DMTF1: variants seen among roughly 807,000 people sequenced by gnomAD.
DMTF1 encodes cyclin-D-binding Myb-like transcription factor 1.
DMTF1 carries 39 observed loss-of-function variants against 91.1 expected under a neutral mutation model. The observed-to-expected ratio is 0.43, with a 90% CI of 0.33 to 0.56. The LOEUF (loss-of-function observed/expected upper bound fraction) is 0.56. Among genes scored for constraint, DMTF1 ranks in the 20% least tolerant of loss-of-function variants. The probability of loss-of-function intolerance (pLI) is 0.05; values close to 1 mark genes in which losing one functional copy is unlikely to be tolerated. For missense variants in DMTF1, 750 were observed against 914.5 expected (o/e 0.82, Z 2.32); for synonymous variants, 338 against 309.5 (o/e 1.09, Z -0.97).
chr7:87,194,871 A>G, intron 17 of DMTF1, 43 bp downstream of exon 17: 1 of 1,565,666 alleles, frequency 6.4e-7, no homozygotes, highest in Non-Finnish European at 8.7e-7. Flanking sequence ...TAAATTTTAG[A>G]TGGAAAAAAA....
At chr7:87,186,194 ACTTATT>A (rs1798380510) in intron 12 of DMTF1, 1 of 526,592 alleles carries the variant, frequency 1.9e-6, no homozygotes, top group Non-Finnish European at 3.4e-6. Flanking sequence ...AAATGTACAC[ACTTATT>A]CTTGTTCTTC....
chr7:87,172,804 G>GC (rs1299195441), intron 5 of DMTF1, among the ~76,000 whole-genome samples: 5 of 152,232 alleles, frequency 3.3e-5, no homozygotes, highest in Non-Finnish European at 5.9e-5. Context: ...GCCGAAGGCA[G>GC]CTTTTTTCCC....
intron 6 of DMTF1, 61 bp downstream of exon 6, chr7:87,173,710 T>C (rs751483911): frequency 5.2e-5 from 54 of 1,037,626 alleles, no homozygotes; most frequent in Non-Finnish European, 6.7e-5. Context: ...AAAGGGCTTA[T>C]AGTCATCAGG....
rs140247464 is a variant in DMTF1, at chr7:87,193,920, A to G, written c.1846A>G (p.Ile616Val). The G allele has an allele frequency of 3.5e-5, 56 of 1,613,242 alleles. No homozygotes were observed. Among genetic ancestry groups the G allele is most frequent in the South Asian group, 1.1e-5 (1 of 91,070 alleles). Residue 616 changes from isoleucine (I) to valine (V), a missense_variant, in exon 16 of 18, where the codon ATT becomes GTT. Physicochemically the swap from Ile to Val is conservative, Grantham distance 29 (BLOSUM62 3). Transcript: ENST00000331242. ...ALEADTFPDE[I>V]HHPKMTVEPS... ...AGAAGCAGACACTTTCCCAGATGAA[A>G]TTCATCACCCTAAGATGACTGTGGA...
chr7:87,181,703 A>C (rs999309642), intron 9 of DMTF1, among the ~76,000 whole-genome samples: 1 of 152,208 alleles, frequency 6.6e-6, no homozygotes, highest in African/African-American at 2.4e-5. Flanking sequence ...TGACTTGGCA[A>C]ATGTTTCAGT....
chr7:87,153,190 A>C (rs1789711906), intron 1 of DMTF1, among the ~76,000 whole-genome samples: 1 of 151,950 alleles, frequency 6.6e-6, no homozygotes, highest in Non-Finnish European at 1.5e-5. Context: ...GCCCAGACAT[A>C]GAGAATCGGG....
chr7:87,176,866 CAT>C (rs1796368139), intron 7 of DMTF1, among the ~76,000 whole-genome samples: 1 of 152,036 alleles, frequency 6.6e-6, no homozygotes, highest in Non-Finnish European at 1.5e-5. Flanking sequence ...AATTGGGTGT[CAT>C]ATGTTTCATA....
rs1454285083 is a variant in DMTF1 at position 87,195,413 on chromosome 7, C to A, written c.*273C>A. The A allele has an allele frequency of 7.2e-6, 2 of 276,424 alleles. No individual in the cohort carries two copies. 17.1% of individuals were successfully genotyped at this position (276,424 alleles called of 1,614,324 possible). A position where few individuals can be genotyped will look rare whatever the true frequency, so the allele number is the denominator to read the frequency against. ...TTACATGGGAATAAGGAATTTCATT[C>A]ACTTCAGCCACTAAGAAAAGTTTAG... is the stretch of plus-strand genomic sequence containing the variant. On this transcript the variant is annotated 3_prime_UTR_variant, in exon 18 of 18. Coordinates refer to ENST00000331242, the MANE Select transcript of DMTF1 (RefSeq NM_001142327.2).
At chr7:87,164,819 A>T (rs936599539) in intron 2 of DMTF1, 115 bp from the exon 3 acceptor site, 3 of 480,332 alleles carry the variant, frequency 6.2e-6, no homozygotes, top group Non-Finnish European at 1.1e-5. Context: ...TACATGAAGA[A>T]CACTGTAGGC....
intron 16 of DMTF1, chr7:87,194,470 A>G (rs1356174418): frequency 2.0e-6 from 1 of 510,016 alleles, no homozygotes; most frequent in Non-Finnish European, 3.4e-6. Context: ...TATTCAGCTG[A>G]CCTATAACTG....
At chr7:87,193,118 C>G (rs1584478264) in intron 14 of DMTF1, 80 bp from the exon 15 acceptor site, 1 of 1,461,390 alleles carries the variant, frequency 6.8e-7, no homozygotes, top group Non-Finnish European at 9.5e-7. Context: ...ACATTTGTGT[C>G]TAGTAAACTA....
rs1789384839 is a variant in DMTF1 at position 87,152,511 on chromosome 7, G to C, written c.-176G>C. The C allele has an allele frequency of 6.5e-6, 1 of 152,810 alleles. No homozygotes were observed. Among genetic ancestry groups the C allele is most frequent in the Non-Finnish European group, 1.5e-5 (1 of 68,102 alleles). 9.5% of individuals were successfully genotyped at this position (152,810 alleles called of 1,614,324 possible). A position where few individuals can be genotyped will look rare whatever the true frequency, so the allele number is the denominator to read the frequency against. ...TTCCTCCATCCTGGTATTTTTTGGA[G>C]CTTCCATCCTGGTTCTTCCAAAGTG... On this transcript the variant is annotated 5_prime_UTR_variant, in exon 1 of 18. Coordinates refer to ENST00000331242, the MANE Select transcript of DMTF1 (RefSeq NM_001142327.2).
chr7:87,153,311 A>G (rs1789786991), intron 1 of DMTF1, among the ~76,000 whole-genome samples: 1 of 152,120 alleles, frequency 6.6e-6, no homozygotes, highest in Non-Finnish European at 1.5e-5. Context: ...TAAAGTTGTA[A>G]TTACCCTATT....
intron 3 of DMTF1, among the ~76,000 whole-genome samples, chr7:87,165,260 G>A (rs946094588): frequency 1.4e-5 from 2 of 139,882 alleles, no homozygotes; most frequent in South Asian, 5.0e-4. Flanking sequence ...CAAAGGTAAT[G>A]ATGGAATAAC....
At chr7:87,190,471 T>C (rs1799495805) in intron 13 of DMTF1, among the ~76,000 whole-genome samples, 1 of 152,104 alleles carries the variant, frequency 6.6e-6, no homozygotes, top group African/African-American at 2.4e-5. Context: ...CCTGTCTTTT[T>C]GCAGGTTGGT....
chr7:87,171,234 C>G (rs1235581277), intron 5 of DMTF1, 145 bp downstream of exon 5: 1 of 478,062 alleles, frequency 2.1e-6, no homozygotes, highest in South Asian at 4.3e-5. Context: ...TATTATGAAA[C>G]AAATTACAAA....
At chr7:87,176,319 C>T (rs915523274) in intron 7 of DMTF1, among the ~76,000 whole-genome samples, 1 of 152,180 alleles carries the variant, frequency 6.6e-6, no homozygotes, top group African/African-American at 2.4e-5. Context: ...AAGTGTATTT[C>T]AGTTGTCCTC....
intron 17 of DMTF1, 60 bp downstream of exon 17, chr7:87,194,888 TTTAA>T (rs766892571): frequency 8.5e-6 from 13 of 1,528,064 alleles, no homozygotes; most frequent in South Asian, 1.2e-5. Context: ...AAAACAGACA[TTTAA>T]TTAACTTGTT....
In DMTF1 at chr7:87,182,474, T is replaced by A. The variant is rs111662788; in HGVS notation, c.820+137T>A. ...TCAGACTTTATTTTCTAGTCTTCCT[T>A]TTCCTTGAGCTTATTAGATATATCA... is the stretch of plus-strand genomic sequence containing the variant. On this transcript the variant is annotated intron_variant, in intron 10 of 17. Coordinates refer to ENST00000331242, the MANE Select transcript of DMTF1 (RefSeq NM_001142327.2). The A allele has an allele frequency of 2.2e-3, 1,695 of 760,528 alleles. 16 individuals carry two copies. The highest frequency in any genetic ancestry group is 0.021 in the African/African-American group (1,220 of 56,850). The allele number at this position is 760,528 out of a possible 1,614,324, so 47.1% of individuals were successfully genotyped here.
Sources: allele counts gnomAD v4.1 joint callset (sites outside exome capture counted in the v4.1 genomes callset), GRCh38; gene constraint gnomAD v4.1.1; transcripts MANE v1.5; gene names NCBI Gene and HGNC (gene_info 2026-07-23, HGNC 2026-07-21).